The following RBM5 variants were observed in gnomAD, a reference collection of about 807,000 sequenced individuals.
RBM5 encodes the protein RNA-binding protein 5.
Under a neutral mutation model 124.6 loss-of-function variants are expected in RBM5, and 15 were observed. The observed-to-expected ratio is 0.12, with a 90% confidence interval of 0.08 to 0.19. The LOEUF is 0.19. RBM5 is among the 10% of genes least tolerant of loss of function. The pLI is 1.00. For synonymous variants in RBM5, 337 were observed against 361.2 expected, an observed-to-expected ratio of 0.93 and a Z score of 0.76; for missense variants, 580 against 1,026.5, an observed-to-expected ratio of 0.57 and a Z score of 5.94.
rs201956265 is a variant in RBM5, at chr3:50,093,753, G to A, written c.217G>A (p.Glu73Lys). The change falls in exon 4 of 25, where the codon GAA becomes AAA. Residue 73 changes from glutamate to lysine, a missense_variant. By Grantham distance (56) the Glu-to-Lys change is moderately conservative (BLOSUM62 1). Around this residue, in one of 6 missense-constraint regions of RBM5, gnomAD observed 99 missense variants for 121.1 expected, o/e 0.82. Coordinates refer to ENST00000347869, the MANE Select transcript of RBM5 (RefSeq NM_005778.4). ...ERERRNSDRS[E>K]DGYHSDGDYG... ...TGAAAGAAGGAACAGTGACCGATCCGAAGATGGCTACCATTCAGATGGTGA... is the reference window on the plus strand; with the variant it reads ...TGAAAGAAGGAACAGTGACCGATCCAAAGATGGCTACCATTCAGATGGTGA... 1.2e-6 allele frequency: 2 copies of A among 1,613,732 alleles called. No homozygotes were observed. The highest frequency in any genetic ancestry group is 1.7e-6 in the Non-Finnish European group (2 of 1,179,816).
chr3:50,094,783 A>T (rs1457270596), intron 4 of RBM5, among the ~76,000 whole-genome samples: 3 of 152,198 alleles, frequency 2.0e-5, no homozygotes, highest in Non-Finnish European at 4.4e-5. Flanking sequence ...TGCTCAGAAA[A>T]TTTCAGATTT....
chr3:50,107,377 C>A, intron 11 of RBM5, 105 bp from the exon 12 acceptor site: 1 of 916,818 alleles, frequency 1.1e-6, no homozygotes, highest in Non-Finnish European at 1.8e-6. Flanking sequence ...GCCTTGCTGG[C>A]ATTTGAGAAC....
rs998062619 is a variant in RBM5, at chr3:50,118,608, T to A, written c.*152T>A. 1.6e-6 allele frequency: 2 copies of A among 1,237,312 alleles called. No homozygotes were observed. Among genetic ancestry groups the A allele is most frequent in the Non-Finnish European group, 2.2e-6 (2 of 906,884 alleles). The allele number at this position is 1,237,312 out of a possible 1,614,324, so 76.6% of individuals were successfully genotyped here. On this transcript the variant is annotated 3_prime_UTR_variant, in exon 25 of 25. Transcript: ENST00000347869. ...TTCTGCAGGGTTCTCCCTCCCACCT[T>A]AAAGAAGTTCCCCTTATGTGGGTTG... is the stretch of plus-strand genomic sequence containing the variant.
Position 50,117,601 on chromosome 3 carries a change from T to C in RBM5, c.2322+222T>C, listed in dbSNP as rs545225673. The C allele has an allele frequency of 4.1e-6, 2 of 489,732 alleles. No homozygotes were observed. Among genetic ancestry groups the C allele is most frequent in the South Asian group, 5.5e-5 (2 of 36,128 alleles). 30.3% of individuals were successfully genotyped at this position (489,732 alleles called of 1,614,324 possible). ...TTTGAGACCAGCCTGGGCAACACGG[T>C]GAAACCCCGTCTCTACTAAAATACA... On this transcript the variant is annotated intron_variant, in intron 24 of 24. Coordinates refer to ENST00000347869, the MANE Select transcript of RBM5 (RefSeq NM_005778.4). The surrounding 1 kb of genome is among the most constrained non-coding windows in gnomAD (Gnocchi z 4.2).
chr3:50,102,801 G>A, intron 6 of RBM5: 1 of 381,262 alleles, frequency 2.6e-6, no homozygotes, highest in Non-Finnish European at 4.8e-6. Context: ...TGAATGTTAG[G>A]ACTTCTGTCT....
chr3:50,100,200 C>T lies in RBM5; in HGVS notation c.409+149C>T, dbSNP rs1413298199. 5.3e-6 allele frequency: 4 copies of T among 749,766 alleles called. No individual in the cohort carries two copies. Among genetic ancestry groups the T allele is most frequent in the Admixed American group, 6.5e-5 (2 of 30,614 alleles). The allele number at this position is 749,766 out of a possible 1,614,324, so 46.4% of individuals were successfully genotyped here. A position where few individuals can be genotyped will look rare whatever the true frequency, so the allele number is the denominator to read the frequency against. ...CTAAGGAATGTGACTCTTTGAAAAC[C>T]ATGTTAGCATCTGAGGAACTTTTTT... is the stretch of plus-strand genomic sequence containing the variant. On this transcript the variant is annotated intron_variant, in intron 5 of 24. Transcript: ENST00000347869. This position sits in a 1 kb window ranked among gnomAD's most constrained non-coding sequence, Gnocchi z 5.1.
intron 24 of RBM5, 170 bp from the exon 25 acceptor site, chr3:50,118,161 C>T: frequency 1.1e-6 from 1 of 889,618 alleles, no homozygotes; most frequent in African/African-American, 1.7e-5. Flanking sequence ...TTTTATTCCT[C>T]CAGTCCTTAT....
intron 14 of RBM5, 72 bp from the exon 15 acceptor site, chr3:50,109,531 G>A: frequency 8.3e-7 from 1 of 1,208,324 alleles, no homozygotes; most frequent in Non-Finnish European, 1.2e-6. Flanking sequence ...GCTAGATTGG[G>A]CATTACAAAT....
rs768916982 is a variant in RBM5 at position 50,118,340 on chromosome 3, C to T, written c.2332C>T (p.Arg778Trp). The T allele has an allele frequency of 3.7e-6, 6 of 1,613,966 alleles. No homozygotes were observed. In the Admixed American group the frequency reaches 5.0e-5, roughly 13 times the overall value. ...GITAPIEAQV[R>W]LKGAGLGAKG... Reference sequence around the variant, plus strand: ...CTCTGTGCTTTCCCAGGCTCAAGTTCGGCTAAAGGGAGCTGGCCTAGGAGC... The same window carrying T: ...CTCTGTGCTTTCCCAGGCTCAAGTTTGGCTAAAGGGAGCTGGCCTAGGAGC... The change falls in exon 25 of 25, where the codon CGG (arginine) becomes TGG (tryptophan). Residue 778 changes from arginine (R) to tryptophan (W), a missense_variant. Arg to Trp is a moderately radical substitution (Grantham distance 101, BLOSUM62 -3). This residue lies in a region of RBM5 where 234 missense variants were observed against 435.1 expected (regional missense o/e 0.54). Coordinates refer to ENST00000347869, the MANE Select transcript of RBM5 (RefSeq NM_005778.4).
intron 3 of RBM5, 68 bp from the exon 4 acceptor site, chr3:50,093,652 A>C: frequency 6.7e-7 from 1 of 1,484,856 alleles, no homozygotes; most frequent in Non-Finnish European, 9.3e-7. Flanking sequence ...GATAATTTCT[A>C]GGAGTGGAGG....
chr3:50,105,157 G>A lies in RBM5; in HGVS notation c.694+15G>A, dbSNP rs776345903. 3.0e-5 allele frequency: 46 copies of A among 1,558,092 alleles called. No individual in the cohort carries two copies. The highest frequency in any genetic ancestry group is 2.6e-4 in the African/African-American group (19 of 73,720). On this transcript the variant is annotated intron_variant, in intron 9 of 24. Coordinates refer to ENST00000347869, the MANE Select transcript of RBM5 (RefSeq NM_005778.4). The stretch of plus-strand genomic sequence containing the variant: ...CTACTGTGATAGTAAGTTCATACAC[G>A]ATCTTTTGGTCTTCATGTTAAAAAT...
chr3:50,091,226 A>G (rs999545840), intron 2 of RBM5, among the ~76,000 whole-genome samples: 4 of 152,164 alleles, frequency 2.6e-5, no homozygotes, highest in African/African-American at 9.7e-5. Context: ...CTAAATTAAC[A>G]TTTACCCCTT....
chr3:50,112,240 TA>T (rs778941760), intron 17 of RBM5: 1,345 of 125,466 alleles, frequency 0.011, 14 homozygotes, highest in African/African-American at 0.028. Context: ...CCGTCTCTAC[TA>T]AAAAAAAAAA....
intron 24 of RBM5, 134 bp from the exon 25 acceptor site, chr3:50,118,197 A>T (rs2091293325): frequency 6.4e-6 from 8 of 1,252,226 alleles, no homozygotes; most frequent in Non-Finnish European, 7.7e-6. Flanking sequence ...CTTCTGGAGA[A>T]ATCCTTGTCT....
rs987688641 is a variant in RBM5 at position 50,093,603 on chromosome 3, A to G, written c.184-117A>G. ...AAAAAAAATTGCAGTGAACATTACC[A>G]TGGAGTGCTTGTGTAATCTCTGTAC... is the stretch of plus-strand genomic sequence containing the variant. On this transcript the variant is annotated intron_variant, in intron 3 of 24. Transcript: ENST00000347869. 71 of 1,161,312 alleles carry G rather than the reference A, an allele frequency of 6.1e-5. 1 individual carries two copies. The Admixed American group carries it at 1.4e-3, about 22-fold the overall frequency. 71.9% of individuals were successfully genotyped at this position (1,161,312 alleles called of 1,614,324 possible). A position where few individuals can be genotyped will look rare whatever the true frequency, so the allele number is the denominator to read the frequency against.
In RBM5 at chr3:50,094,908, C is replaced by T. The variant is rs1358208754; in HGVS notation, c.339+1033C>T. On this transcript the variant is annotated intron_variant, in intron 4 of 24. Coordinates refer to ENST00000347869, the MANE Select transcript of RBM5 (RefSeq NM_005778.4). ...CTGAACTAGGTTCAGAAGTAAGTTA[C>T]CATTTTGGCCAGGCGCGGTGGCTCA... Among the ~76,000 whole-genome samples the T allele has an allele frequency of 2.6e-5, 4 of 152,098 alleles. No homozygotes were observed. In the East Asian group the frequency reaches 7.7e-4, roughly 29 times the overall value.
At chr3:50,116,033 GC>G in intron 22 of RBM5, 53 bp downstream of exon 22, 2 of 1,517,684 alleles carry the variant, frequency 1.3e-6, no homozygotes, top group Non-Finnish European at 1.8e-6. Context: ...ATTGCCTTTA[GC>G]TTTTATTTGT....
rs565213477 is a variant in RBM5, at chr3:50,118,554, G to T, written c.*98G>T. The T allele has an allele frequency of 6.8e-7, 1 of 1,479,208 alleles. No homozygotes were observed. Among genetic ancestry groups the T allele is most frequent in the Non-Finnish European group, 9.1e-7 (1 of 1,094,838 alleles). 91.6% of individuals were successfully genotyped at this position (1,479,208 alleles called of 1,614,324 possible). ...TCTCTTTAAGGGCATGCCTTGTGCT[G>T]TTAATAGATCTTAGGGTGAACCACT... On this transcript the variant is annotated 3_prime_UTR_variant, in exon 25 of 25. Coordinates refer to ENST00000347869, the MANE Select transcript of RBM5 (RefSeq NM_005778.4).
intron 15 of RBM5, 140 bp from the exon 16 acceptor site, chr3:50,110,239 G>A (rs1448484569): frequency 7.3e-6 from 5 of 689,026 alleles, no homozygotes; most frequent in Non-Finnish European, 1.2e-5. Flanking sequence ...TTGTCAACAT[G>A]TGTTTTGCTG....
Sources: gnomAD v4.1 joint callset for allele counts (sites outside exome capture counted in the v4.1 genomes callset) on GRCh38, gnomAD v4.1.1 for gene constraint, gnomAD v4.1.1 regional missense constraint, Gnocchi (gnomAD v3.1) non-coding constraint, MANE v1.5 for transcripts, NCBI Gene and HGNC (gene_info 2026-07-23, HGNC 2026-07-21) for gene names.